The following CDH12 variants were observed in gnomAD, a reference collection of about 807,000 sequenced individuals.
CDH12 encodes the protein cadherin-12.
CDH12 carries 41 observed loss-of-function variants against 74.1 expected under a neutral mutation model. The observed-to-expected ratio is 0.55, with a 90% CI of 0.43 to 0.72. The LOEUF is 0.72. CDH12 is among the 30% of genes least tolerant of loss of function. The pLI is 0.00. For missense variants in CDH12, 945 were observed against 977.2 expected (o/e 0.97, Z 0.44); for synonymous variants, 399 against 355.0 (o/e 1.12, Z -1.39).
chr5:22,428,938 C>G (rs969804868), intron 2 of CDH12, among the ~76,000 whole-genome samples: 2 of 152,016 alleles, frequency 1.3e-5, no homozygotes, highest in Non-Finnish European at 2.9e-5. Flanking sequence ...TCAGGCCAAC[C>G]TTATACCATT....
At chr5:22,078,892 A>C in intron 4 of CDH12, 30 bp from the exon 5 acceptor site, 3 of 1,160,788 alleles carry the variant, frequency 2.6e-6, no homozygotes, top group Non-Finnish European at 3.3e-6. Context: ...AGATACATTA[A>C]ATTAATGAAA....
chr5:22,576,962 C>A (rs1739822477), intron 1 of CDH12, among the ~76,000 whole-genome samples: 1 of 152,044 alleles, frequency 6.6e-6, no homozygotes, highest in Admixed American at 6.6e-5. Flanking sequence ...AGCCTTTACC[C>A]ATATTTCTCT....
At chr5:22,760,603 C>A (rs151304227) in intron 1 of CDH12, among the ~76,000 whole-genome samples, 1 of 141,582 alleles carries the variant, frequency 7.1e-6, no homozygotes, top group Non-Finnish European at 1.5e-5. Context: ...TGTTTGAACC[C>A]GGGAGGCAAA....
chr5:22,315,201 A>G (rs1282123132), intron 3 of CDH12, among the ~76,000 whole-genome samples: 1 of 134,984 alleles, frequency 7.4e-6, no homozygotes, highest in African/African-American at 2.8e-5. Context: ...TGACCTTGTG[A>G]TCTGCCCGCC....
chr5:22,613,671 G>A (rs1207862779), intron 1 of CDH12, among the ~76,000 whole-genome samples: 1 of 152,096 alleles, frequency 6.6e-6, no homozygotes, highest in Non-Finnish European at 1.5e-5. Flanking sequence ...AGGATTAAAT[G>A]TGACCAAAAT....
At chr5:22,737,688 A>T (rs1478461311) in intron 1 of CDH12, among the ~76,000 whole-genome samples, 4 of 152,108 alleles carry the variant, frequency 2.6e-5, no homozygotes, top group Non-Finnish European at 5.9e-5. Context: ...AAGCCTAAGT[A>T]TTTAACAAAT....
intron 3 of CDH12, among the ~76,000 whole-genome samples, chr5:22,218,072 AG>A (rs2150367141): frequency 6.6e-6 from 1 of 151,902 alleles, no homozygotes; most frequent in South Asian, 2.1e-4. Flanking sequence ...AAAATCAAAA[AG>A]AAAAAAAACT....
intron 3 of CDH12, among the ~76,000 whole-genome samples, chr5:22,315,323 C>A (rs571257761): frequency 6.6e-6 from 1 of 151,704 alleles, no homozygotes; most frequent in South Asian, 2.1e-4. Flanking sequence ...CAGTAAACAA[C>A]AACAACAGCA....
intron 1 of CDH12, among the ~76,000 whole-genome samples, chr5:22,846,573 ATG>A (rs1737313814): frequency 6.6e-6 from 1 of 152,206 alleles, no homozygotes; most frequent in Admixed American, 6.5e-5. Flanking sequence ...GAAAGATTTA[ATG>A]TGAAAAAAAT....
intron 4 of CDH12, among the ~76,000 whole-genome samples, chr5:22,103,573 C>G (rs1333590648): frequency 6.6e-6 from 1 of 152,180 alleles, no homozygotes; most frequent in African/African-American, 2.4e-5. Context: ...ATCCTTATCG[C>G]TTCTTATGCA....
intron 2 of CDH12, among the ~76,000 whole-genome samples, chr5:22,484,513 TA>T (rs1746509579): frequency 6.6e-6 from 1 of 152,210 alleles, no homozygotes; most frequent in South Asian, 2.1e-4. Flanking sequence ...GTGCAGCCAG[TA>T]AACACTGAAT....
At chr5:22,568,415 C>T (rs7727257) in intron 1 of CDH12, among the ~76,000 whole-genome samples, 24,693 of 152,050 alleles carry the variant, frequency 0.16, 2,581 homozygotes, top group East Asian at 0.37. Flanking sequence ...CACTTGATGC[C>T]TCTGCGCATT....
At chr5:22,133,268 A>G (rs1461068523) in intron 4 of CDH12, among the ~76,000 whole-genome samples, 1 of 152,128 alleles carries the variant, frequency 6.6e-6, no homozygotes, top group African/African-American at 2.4e-5. Context: ...ATTTCATAGC[A>G]TACCTTTGAT....
chr5:21,962,197 T>C (rs1756390342), intron 6 of CDH12, among the ~76,000 whole-genome samples: 1 of 152,122 alleles, frequency 6.6e-6, no homozygotes, highest in Non-Finnish European at 1.5e-5. Flanking sequence ...ATTTTCTGAC[T>C]CATCCTTTTG....
At chr5:22,745,332 C>G (rs1322347083) in intron 1 of CDH12, among the ~76,000 whole-genome samples, 2 of 152,000 alleles carry the variant, frequency 1.3e-5, no homozygotes, top group Non-Finnish European at 2.9e-5. Context: ...GCCATGTTTT[C>G]AAATCTAAAT....
intron 1 of CDH12, among the ~76,000 whole-genome samples, chr5:22,636,479 T>A (rs2126864001): frequency 6.6e-6 from 1 of 152,298 alleles, no homozygotes; most frequent in East Asian, 1.9e-4. Context: ...GGCGTATTCT[T>A]TAGTAATAAA....
At chr5:22,072,065 C>A (rs1021247413) in intron 5 of CDH12, among the ~76,000 whole-genome samples, 1 of 152,014 alleles carries the variant, frequency 6.6e-6, no homozygotes, top group African/African-American at 2.4e-5. Flanking sequence ...CTACACAAGC[C>A]TATTGTAACT....
intron 3 of CDH12, among the ~76,000 whole-genome samples, chr5:22,289,757 G>A (rs1368732334): frequency 6.6e-6 from 1 of 152,112 alleles, no homozygotes; most frequent in Non-Finnish European, 1.5e-5. Context: ...GTCTTCTTGG[G>A]GGAAAGAGAG....
chr5:22,590,843 CT>C (rs1366825615), intron 1 of CDH12, among the ~76,000 whole-genome samples: 1 of 152,158 alleles, frequency 6.6e-6, no homozygotes, highest in Non-Finnish European at 1.5e-5. Flanking sequence ...TTTTCTTTCT[CT>C]GTTTCAACTA....
Sources: allele counts gnomAD v4.1 joint callset (sites outside exome capture counted in the v4.1 genomes callset), GRCh38; gene constraint gnomAD v4.1.1; transcripts MANE v1.5; gene names NCBI Gene and HGNC (gene_info 2026-07-23, HGNC 2026-07-21).